The following MINDY4 variants were observed in gnomAD, a reference collection of about 807,000 sequenced individuals.
MINDY4 encodes the protein MINDY lysine 48 deubiquitinase 4.
Under a neutral mutation model 87.0 loss-of-function variants are expected in MINDY4, and 68 were observed. The ratio of observed to expected loss-of-function variants is 0.78; its 90% CI spans 0.64 to 0.96. The LOEUF is 0.96. MINDY4 is among the 40% of genes least tolerant of loss of function. MINDY4 has a pLI of 0.00. For missense variants in MINDY4, 919 were observed against 928.2 expected, an observed-to-expected ratio of 0.99 and a Z score of 0.13; for synonymous variants, 379 against 363.2, an observed-to-expected ratio of 1.04 and a Z score of -0.50.
chr7:30,776,186 C>T (rs1786807175), intron 1 of MINDY4, among the ~76,000 whole-genome samples: 2 of 152,180 alleles, frequency 1.3e-5, no homozygotes, highest in South Asian at 4.1e-4. Flanking sequence ...TATGTCAGTT[C>T]AAAATAGTAG....
rs146557624 is a variant in MINDY4, at chr7:30,831,978, TGTC to T, written c.1132+3244_1132+3246del. On this transcript the variant is annotated intron_variant, in intron 6 of 17. Transcript: ENST00000265299. ...GATGGCTTTGTCTTCCTGGCCAACA[TGTC>T]GTTCTGGAGTGTTTTGTTTTTCCCT... Among the ~76,000 whole-genome samples the T allele has an allele frequency of 7.7e-3, 1,178 of 152,304 alleles. 13 individuals carry two copies. Among genetic ancestry groups the T allele is most frequent in the African/African-American group, 0.027 (1,123 of 41,558 alleles).
rs149471526 is a variant in MINDY4 at position 30,790,585 on chromosome 7, A to G, written c.664-580A>G. Among the ~76,000 whole-genome samples the G allele has an allele frequency of 5.7e-3, 860 of 152,114 alleles. 4 individuals are homozygous for G. Among genetic ancestry groups the G allele is most frequent in the Non-Finnish European group, 9.6e-3 (651 of 68,000 alleles). ...CCACCTCCCGAGTAGCTGAGATTAC[A>G]GTCATGCACCACCAAGCCTGGCTAT... On this transcript the variant is annotated intron_variant, in intron 4 of 17. Transcript: ENST00000265299.
intron 15 of MINDY4, among the ~76,000 whole-genome samples, chr7:30,876,974 G>A (rs566476935): frequency 9.9e-4 from 150 of 152,262 alleles, no homozygotes; most frequent in African/African-American, 3.5e-3. Flanking sequence ...GGGGTGTGCT[G>A]TGTCTTGCTA....
intron 12 of MINDY4, among the ~76,000 whole-genome samples, chr7:30,853,964 G>A (rs1025391743): frequency 6.7e-6 from 1 of 150,288 alleles, no homozygotes; most frequent in Non-Finnish European, 1.5e-5. Context: ...TGCTCTGGGT[G>A]GGGGCTCTGG....
intron 10 of MINDY4, among the ~76,000 whole-genome samples, chr7:30,850,762 C>G (rs62449092): frequency 0.053 from 8,068 of 152,334 alleles, 348 homozygotes; most frequent in Middle Eastern, 0.075. Flanking sequence ...GCGATGCCCT[C>G]TCTGGGCTCC....
chr7:30,879,776 A>G (rs1048049514), intron 15 of MINDY4, among the ~76,000 whole-genome samples: 6 of 152,060 alleles, frequency 3.9e-5, no homozygotes, highest in Non-Finnish European at 8.8e-5. Context: ...GGGTATCTTA[A>G]TTCTTTCCTT....
intron 4 of MINDY4, among the ~76,000 whole-genome samples, chr7:30,790,239 T>A (rs1787280364): frequency 1.3e-5 from 2 of 152,132 alleles, no homozygotes; most frequent in Non-Finnish European, 2.9e-5. Flanking sequence ...ATTTTTTTTT[T>A]AATTTTGGAA....
intron 13 of MINDY4, among the ~76,000 whole-genome samples, chr7:30,870,760 C>T (rs1790078312): frequency 6.6e-6 from 1 of 152,222 alleles, no homozygotes; most frequent in Non-Finnish European, 1.5e-5. Context: ...TTATCTTCTC[C>T]TCTACTGAAA....
chr7:30,870,302 C>T (rs376532592), intron 13 of MINDY4, among the ~76,000 whole-genome samples: 1 of 152,290 alleles, frequency 6.6e-6, no homozygotes, highest in East Asian at 1.9e-4. Flanking sequence ...GCTTATCGGC[C>T]CCCCCTCAGG....
chr7:30,808,929 CAAGGAGAGAGAGAGAG>C (rs1228605603), intron 5 of MINDY4, among the ~76,000 whole-genome samples: 6 of 129,286 alleles, frequency 4.6e-5, no homozygotes, highest in African/African-American at 1.9e-4. Flanking sequence ...AAGAGGGAGT[CAAGGAGAGAGAGAGAG>C]AGAGAGAGAG....
intron 5 of MINDY4, among the ~76,000 whole-genome samples, chr7:30,799,288 A>C (rs1787581778): frequency 1.3e-5 from 2 of 152,184 alleles, no homozygotes; most frequent in African/African-American, 4.8e-5. Context: ...TCTAAGGCTC[A>C]TCTTATGTAA....
chr7:30,857,062 T>G (rs1334395448), intron 12 of MINDY4, among the ~76,000 whole-genome samples: 1 of 152,174 alleles, frequency 6.6e-6, no homozygotes, highest in African/African-American at 2.4e-5. Flanking sequence ...GATTTAACAT[T>G]GTTGTTGATT....
intron 17 of MINDY4, among the ~76,000 whole-genome samples, chr7:30,887,838 C>T (rs1450470405): frequency 6.6e-6 from 1 of 152,218 alleles, no homozygotes; most frequent in African/African-American, 2.4e-5. Context: ...TCTGATCCTG[C>T]AGGATGGCGG....
At chr7:30,836,808 A>G (rs773069635) in intron 7 of MINDY4, 44 bp downstream of exon 7, 2 of 1,424,940 alleles carry the variant, frequency 1.4e-6, no homozygotes, top group East Asian at 2.3e-5. Context: ...CTTGATTTGA[A>G]TGGATATAGA....
At chr7:30,843,698 G>C (rs549940805) in intron 9 of MINDY4, among the ~76,000 whole-genome samples, 6 of 149,994 alleles carry the variant, frequency 4.0e-5, no homozygotes, top group South Asian at 4.3e-4. Flanking sequence ...GGGATCCCAA[G>C]GGGGTGTCTG....
intron 5 of MINDY4, among the ~76,000 whole-genome samples, chr7:30,814,813 C>T (rs1020067731): frequency 6.6e-6 from 1 of 152,150 alleles, no homozygotes; most frequent in Non-Finnish European, 1.5e-5. Flanking sequence ...GTAAATGAAC[C>T]CAAATCTTTC....
chr7:30,834,958 A>G (rs893830163), intron 6 of MINDY4, among the ~76,000 whole-genome samples: 3 of 152,190 alleles, frequency 2.0e-5, no homozygotes, highest in African/African-American at 7.2e-5. Flanking sequence ...AAGCCATTCA[A>G]CATGTCTCTA....
Position 30,836,736 on chromosome 7 carries a change from C to G in MINDY4, c.1211C>G (p.Ser404Ter), listed in dbSNP as rs754417879. 7.4e-6 allele frequency: 12 copies of G among 1,614,130 alleles called. No individual in the cohort carries two copies. The highest frequency in any genetic ancestry group is 1.0e-5 in the Non-Finnish European group (12 of 1,179,996). Reference protein sequence around the residue: ...VPSVLKLQTASKPIDLSVAKE... With the variant: ...VPSVLKLQTA ...TCAGTGCTCAAGTTGCAGACAGCAT[C>G]AAAACCAATTGACCTCTCAGTAGCA... Residue 404 changes from serine (S) to a stop codon, truncating the protein, a stop_gained, in exon 7 of 18, where the codon TCA becomes TGA. Coordinates refer to ENST00000265299, the MANE Select transcript of MINDY4 (RefSeq NM_032222.3). LOFTEE classifies it high-confidence loss of function.
intron 13 of MINDY4, among the ~76,000 whole-genome samples, chr7:30,865,825 G>T (rs1284544665): frequency 6.6e-6 from 1 of 152,192 alleles, no homozygotes; most frequent in Non-Finnish European, 1.5e-5. Flanking sequence ...GAGGCTCCTG[G>T]CTCTCAATCG....
Sources: allele counts gnomAD v4.1 joint callset (sites outside exome capture counted in the v4.1 genomes callset), GRCh38; gene constraint gnomAD v4.1.1; transcripts MANE v1.5; gene names NCBI Gene and HGNC (gene_info 2026-07-23, HGNC 2026-07-21).